THSD7B: variants seen among roughly 807,000 people sequenced by gnomAD.
The protein encoded by THSD7B is thrombospondin type-1 domain-containing protein 7B.
Under a neutral mutation model 213.6 loss-of-function variants are expected in THSD7B, and 138 were observed. The observed-to-expected ratio is 0.65, with a 90% confidence interval of 0.56 to 0.74. The LOEUF (loss-of-function observed/expected upper bound fraction) is 0.74, where lower values mean the gene tolerates loss of function less well. Among genes scored for constraint, THSD7B ranks in the 30% least tolerant of loss-of-function variants. The pLI is 0.00. For synonymous variants in THSD7B, 742 were observed against 687.0 expected, an observed-to-expected ratio of 1.08 and a Z score of -1.25; for missense variants, 1,931 against 1,991.5, an observed-to-expected ratio of 0.97 and a Z score of 0.58.
chr2:137,078,375 C>T (rs1177679155), intron 3 of THSD7B, among the ~76,000 whole-genome samples: 1 of 152,088 alleles, frequency 6.6e-6, no homozygotes, highest in Non-Finnish European at 1.5e-5. Context: ...AGAGTTTTTG[C>T]TTGACATGTG....
chr2:137,351,656 A>T (rs1685016495), intron 12 of THSD7B, among the ~76,000 whole-genome samples: 1 of 151,944 alleles, frequency 6.6e-6, no homozygotes, highest in African/African-American at 2.4e-5. Flanking sequence ...AGGAAGGATG[A>T]AGCCTGGGTG....
chr2:137,337,965 T>A (rs904014477), intron 12 of THSD7B, among the ~76,000 whole-genome samples: 3 of 152,106 alleles, frequency 2.0e-5, no homozygotes, highest in African/African-American at 7.2e-5. Context: ...AACACTAATC[T>A]GGTTATTTAG....
Position 137,114,269 on chromosome 2 carries a change from C to T in THSD7B, c.1200-855C>T, listed in dbSNP as rs373306480. ...TTTAATGAGTCTCTCAGTGTTTTTA[C>T]GAATGCCGCAAGGTTATACTACTGC... On this transcript the variant is annotated intron_variant, in intron 4 of 27. Coordinates refer to ENST00000409968, the MANE Select transcript of THSD7B (RefSeq NM_001316349.2). Among the ~76,000 whole-genome samples, 103 of 152,224 alleles carry T rather than the reference C, an allele frequency of 6.8e-4. 2 individuals are homozygous for T. In the South Asian group the frequency reaches 0.013, roughly 19 times the overall value.
intron 12 of THSD7B, among the ~76,000 whole-genome samples, chr2:137,282,030 A>C (rs545000078): frequency 6.6e-6 from 1 of 152,056 alleles, no homozygotes; most frequent in Admixed American, 6.5e-5. Context: ...ACAGTGTAAA[A>C]GTGTTCCTAT....
rs559530153 is a variant in THSD7B at position 137,408,493 on chromosome 2, G to C, written c.2695+2686G>C. Among the ~76,000 whole-genome samples the C allele has an allele frequency of 1.6e-4, 24 of 152,280 alleles. No homozygotes were observed. The South Asian group carries it at 4.6e-3, about 29-fold the overall frequency. On this transcript the variant is annotated intron_variant, in intron 13 of 27. Coordinates refer to ENST00000409968, the MANE Select transcript of THSD7B (RefSeq NM_001316349.2). ...AGCTTGCGATCTAATTGGAGATACGGTGAGATTTTTACTGGAGATAATTAC... is the reference window on the plus strand; with the variant it reads ...AGCTTGCGATCTAATTGGAGATACGCTGAGATTTTTACTGGAGATAATTAC...
Position 137,611,121 on chromosome 2 carries a change from A to G in THSD7B, c.3424-5054A>G, listed in dbSNP as rs762093352. On this transcript the variant is annotated intron_variant, in intron 17 of 27. Transcript: ENST00000409968. Reference sequence around the variant, plus strand: ...TTTGCAATAATGATCATGACAGTCTATGTAATGGAAAAATTCTTTTGATAA... The same window carrying G: ...TTTGCAATAATGATCATGACAGTCTGTGTAATGGAAAAATTCTTTTGATAA... Among the ~76,000 whole-genome samples the G allele has an allele frequency of 3.8e-4, 58 of 151,760 alleles. 1 individual carries two copies. The highest frequency in any genetic ancestry group is 3.8e-4 in the Non-Finnish European group (26 of 67,910).
At chr2:136,916,304 A>G (rs892393329) in intron 2 of THSD7B, among the ~76,000 whole-genome samples, 2 of 152,178 alleles carry the variant, frequency 1.3e-5, no homozygotes, top group African/African-American at 4.8e-5. Flanking sequence ...ATTCCGGTCT[A>G]CTGGTTCAGA....
chr2:137,170,693 C>G (rs1488438035), intron 6 of THSD7B, 48 bp from the exon 7 acceptor site: 1 of 1,573,382 alleles, frequency 6.4e-7, no homozygotes, highest in African/African-American at 1.4e-5. Context: ...TTTTCCTTTC[C>G]TGGAAAAGAG....
At chr2:137,267,477 G>T (rs141716856) in intron 10 of THSD7B, among the ~76,000 whole-genome samples, 1 of 152,082 alleles carries the variant, frequency 6.6e-6, no homozygotes, top group African/African-American at 2.4e-5. Flanking sequence ...AATAACAGAA[G>T]GACAGTGATG....
At chr2:137,342,643 G>A (rs1684786595) in intron 12 of THSD7B, among the ~76,000 whole-genome samples, 1 of 151,330 alleles carries the variant, frequency 6.6e-6, no homozygotes, top group Non-Finnish European at 1.5e-5. Flanking sequence ...ATTAGCTGTG[G>A]GCTTCTCATA....
intron 7 of THSD7B, among the ~76,000 whole-genome samples, chr2:137,205,685 G>A (rs932429617): frequency 3.3e-5 from 5 of 152,006 alleles, no homozygotes; most frequent in African/African-American, 9.7e-5. Flanking sequence ...TACAAAAATC[G>A]AGGTGATGGA....
intron 15 of THSD7B, among the ~76,000 whole-genome samples, chr2:137,453,289 A>T (rs966402824): frequency 6.6e-6 from 1 of 151,356 alleles, no homozygotes; most frequent in Non-Finnish European, 1.5e-5. Context: ...AATTACCTCA[A>T]ATACTTTTTT....
At chr2:136,892,692 A>G (rs1441745576) in intron 2 of THSD7B, among the ~76,000 whole-genome samples, 1 of 151,948 alleles carries the variant, frequency 6.6e-6, no homozygotes, top group African/African-American at 2.4e-5. Flanking sequence ...AGATTAAGGA[A>G]GGGACAGAGG....
intron 2 of THSD7B, among the ~76,000 whole-genome samples, chr2:137,028,874 C>T (rs908524894): frequency 6.6e-6 from 1 of 152,006 alleles, no homozygotes. Flanking sequence ...GTTTTGTATT[C>T]AGTTGTTTTA....
intron 12 of THSD7B, among the ~76,000 whole-genome samples, chr2:137,313,139 A>T (rs1054033140): frequency 3.3e-5 from 5 of 152,040 alleles, no homozygotes; most frequent in Admixed American, 6.6e-5. Context: ...TATGTGGGAG[A>T]CTAAGTCTCT....
intron 2 of THSD7B, among the ~76,000 whole-genome samples, chr2:137,027,512 T>A (rs1686577519): frequency 2.0e-5 from 3 of 152,200 alleles, no homozygotes; most frequent in Non-Finnish European, 2.9e-5. Context: ...CATAGCCATA[T>A]CTATATGCAT....
At chr2:137,266,553 C>A (rs1211152623) in intron 10 of THSD7B, among the ~76,000 whole-genome samples, 1 of 152,054 alleles carries the variant, frequency 6.6e-6, no homozygotes, top group African/African-American at 2.4e-5. Flanking sequence ...AAGCCTGGAA[C>A]AATACTGGGG....
intron 20 of THSD7B, among the ~76,000 whole-genome samples, chr2:137,622,661 C>T (rs983210284): frequency 6.6e-6 from 1 of 152,114 alleles, no homozygotes; most frequent in Non-Finnish European, 1.5e-5. Context: ...CCACCGATCC[C>T]ACAGAAATAC....
intron 7 of THSD7B, among the ~76,000 whole-genome samples, chr2:137,223,944 C>T (rs932840010): frequency 6.6e-6 from 1 of 152,130 alleles, no homozygotes; most frequent in Admixed American, 6.6e-5. Context: ...TGTGACTGCT[C>T]CCCCTTCTGC....
Sources: gnomAD v4.1 joint callset for allele counts (sites outside exome capture counted in the v4.1 genomes callset) on GRCh38, gnomAD v4.1.1 for gene constraint, MANE v1.5 for transcripts, NCBI Gene and HGNC (gene_info 2026-07-23, HGNC 2026-07-21) for gene names.